MPV17L2: variants seen among roughly 807,000 people sequenced by gnomAD.
MPV17L2 encodes mpv17-like protein 2.
In MPV17L2, 25 loss-of-function variants were observed where a neutral mutation model predicts 24.2. That is an observed-to-expected ratio of 1.03 (90% CI 0.75 to 1.44). The LOEUF is 1.44. Ranked by LOEUF, MPV17L2 falls within the 40% of genes most tolerant of loss-of-function variation. The pLI is 0.00. For synonymous variants in MPV17L2, 130 were observed against 121.4 expected, an observed-to-expected ratio of 1.07 and a Z score of -0.46; for missense variants, 271 against 276.2, an observed-to-expected ratio of 0.98 and a Z score of 0.13.
intron 2 of MPV17L2, chr19:18,194,241 T>C (rs1028193114): frequency 3.3e-6 from 2 of 598,300 alleles, no homozygotes; most frequent in African/African-American, 1.9e-5. Flanking sequence ...CTGTATCTGT[T>C]GGGGCTGCCC....
chr19:18,195,190 C>G, intron 4 of MPV17L2, 104 bp downstream of exon 4: 1 of 1,504,446 alleles, frequency 6.6e-7, no homozygotes, highest in Non-Finnish European at 8.9e-7. Context: ...GTGGGAGTCT[C>G]CTGTGCTCCT....
Position 18,196,145 on chromosome 19 carries a change from G to T in MPV17L2, c.*90G>T. 1 of 1,601,950 alleles carries T rather than the reference G, an allele frequency of 6.2e-7. No homozygotes were observed. The highest frequency in any genetic ancestry group is 8.5e-7 in the Non-Finnish European group (1 of 1,176,070). On this transcript the variant is annotated 3_prime_UTR_variant, in exon 5 of 5. Transcript: ENST00000599612. Reference sequence around the variant, plus strand: ...GGAATGGGCTCCTGCAGCAAGCTCGGGTCTTGAGCCACGTCCCAGCACCAC... The same window carrying T: ...GGAATGGGCTCCTGCAGCAAGCTCGTGTCTTGAGCCACGTCCCAGCACCAC...
In MPV17L2 at chr19:18,194,785, T is replaced by A. The variant is rs372763146; in HGVS notation, c.367T>A (p.Cys123Ser). 2 of 1,609,208 alleles carry A rather than the reference T, an allele frequency of 1.2e-6. No individual in the cohort carries two copies. Among genetic ancestry groups the A allele is most frequent in the South Asian group, 2.2e-5 (2 of 90,214 alleles). Residue 123 changes from cysteine (C) to serine (S), a missense_variant, in exon 3 of 5, where the codon TGC (cysteine) becomes AGC (serine). Transcript: ENST00000599612. ...CTTGGTTTGCTTCCCAGGCCTTGGC[T>A]GCCTGGAGGGTCAGACAGTGGGTGA... ...LGVWYFLGLG[C>S]LEGQTVGESC... is the part of the protein sequence containing the mutation.
intron 1 of MPV17L2, 86 bp downstream of exon 1, chr19:18,193,554 G>A: frequency 7.1e-7 from 1 of 1,416,118 alleles, no homozygotes; most frequent in Non-Finnish European, 9.2e-7. Flanking sequence ...CTGACCCGTG[G>A]CCTCAGTCCC....
chr19:18,195,133 C>T (rs746903444), intron 4 of MPV17L2, 47 bp downstream of exon 4: 3 of 1,587,732 alleles, frequency 1.9e-6, no homozygotes, highest in Non-Finnish European at 1.7e-6. Context: ...CCCCAGGGGG[C>T]TACACGTGTG....
chr19:18,193,775 C>T (rs903072636), intron 1 of MPV17L2, 89 bp from the exon 2 acceptor site: 25 of 1,556,918 alleles, frequency 1.6e-5, no homozygotes, highest in Admixed American at 7.3e-5. Context: ...TGGCATTGGG[C>T]TTACCCAGGC....
rs754185842 is a variant in MPV17L2 at position 18,194,883 on chromosome 19, G to C, written c.435+30G>C. On this transcript the variant is annotated intron_variant, in intron 3 of 4. Transcript: ENST00000599612. The stretch of plus-strand genomic sequence containing the variant: ...GAGCACCCGCCCCTTGCACATGTCC[G>C]GCCCCGCCCCCTGATGGCCGCTCCG... The C allele has an allele frequency of 1.4e-5, 22 of 1,595,600 alleles. No homozygotes were observed. In the African/African-American group the frequency reaches 2.9e-4, roughly 21 times the overall value.
In MPV17L2 at chr19:18,194,128, A is replaced by G. The variant is rs1345289522; in HGVS notation, c.358+94A>G. 8.4e-6 allele frequency: 12 copies of G among 1,420,790 alleles called. No individual in the cohort carries two copies. The African/African-American group carries it at 1.1e-4, about 14-fold the overall frequency. 88.0% of individuals were successfully genotyped at this position (1,420,790 alleles called of 1,614,324 possible). On this transcript the variant is annotated intron_variant, in intron 2 of 4. Transcript: ENST00000599612. ...AGAAGGATGCAGAGGTGCATTTCCA[A>G]TTTGCCCCCTGTTTGGGTCGCCCTG...
chr19:18,196,511 A>T lies in MPV17L2; in HGVS notation c.*456A>T, dbSNP rs1376662045. On this transcript the variant is annotated 3_prime_UTR_variant, in exon 5 of 5. Transcript: ENST00000599612. ...GCCCCCAAAAGTTTCACATAGGGCC[A>T]GGCAGCCTCTGTGTTTCTTTCCCTG... 9.2e-7 allele frequency: 1 copy of T among 1,088,134 alleles called. No homozygotes were observed. Among genetic ancestry groups the T allele is most frequent in the African/African-American group, 1.6e-5 (1 of 61,356 alleles). The allele number at this position is 1,088,134 out of a possible 1,614,324, so 67.4% of individuals were successfully genotyped here.
chr19:18,196,517 CCT>C lies in MPV17L2; in HGVS notation c.*465_*466del, dbSNP rs936571044. 1 of 1,051,600 alleles carries C rather than the reference CCT, an allele frequency of 9.5e-7. No homozygotes were observed. The highest frequency in any genetic ancestry group is 1.7e-5 in the African/African-American group (1 of 60,584). 65.1% of individuals were successfully genotyped at this position (1,051,600 alleles called of 1,614,324 possible). ...AAAAGTTTCACATAGGGCCAGGCAGCCTCTGTGTTTCTTTCCCTGGTCCTGAA... is the reference window on the plus strand; with the variant it reads ...AAAAGTTTCACATAGGGCCAGGCAGCCTGTGTTTCTTTCCCTGGTCCTGAA... On this transcript the variant is annotated 3_prime_UTR_variant, in exon 5 of 5. Coordinates refer to ENST00000599612, the MANE Select transcript of MPV17L2 (RefSeq NM_032683.3).
At position 18,196,807 on chromosome 19, in the gene MPV17L2, C is replaced by T. The variant is rs1199434371; in HGVS notation, c.*752C>T. On this transcript the variant is annotated 3_prime_UTR_variant, in exon 5 of 5. Transcript: ENST00000599612. ...GCTCACAGGGACACACATGGATGGTCCATTCGCTTTATTGGGTGCGTGTAG... is the reference window on the plus strand; with the variant it reads ...GCTCACAGGGACACACATGGATGGTTCATTCGCTTTATTGGGTGCGTGTAG... The T allele has an allele frequency of 1.0e-5, 3 of 293,906 alleles. No individual in the cohort carries two copies. Among genetic ancestry groups the T allele is most frequent in the Non-Finnish European group, 2.0e-5 (3 of 151,568 alleles). The allele number at this position is 293,906 out of a possible 1,614,324, so 18.2% of individuals were successfully genotyped here.
At position 18,193,368 on chromosome 19, in the gene MPV17L2, C is replaced by T; in HGVS notation, c.87C>T (p.Asn29=). 1.3e-6 allele frequency: 2 copies of T among 1,569,798 alleles called. No homozygotes were observed. Among genetic ancestry groups the T allele is most frequent in the Non-Finnish European group, 1.7e-6 (2 of 1,163,678 alleles). The part of the protein sequence containing the change: ...LFQGRALLVT[N]TLGCGALMAA... ...AGGGCCGCGCGCTGCTCGTCACTAACACGCTGGGCTGCGGCGCGCTCATGG... is the reference window on the plus strand; with the variant it reads ...AGGGCCGCGCGCTGCTCGTCACTAATACGCTGGGCTGCGGCGCGCTCATGG... The change falls in exon 1 of 5, where the codon AAC becomes AAT. Residue 29 remains asparagine (N), a synonymous_variant. Coordinates refer to ENST00000599612, the MANE Select transcript of MPV17L2 (RefSeq NM_032683.3).
At position 18,196,128 on chromosome 19, in the gene MPV17L2, C is replaced by T; in HGVS notation, c.*73C>T. Reference sequence around the variant, plus strand: ...CCCCCTCTGACAGAAGGGGAATGGGCTCCTGCAGCAAGCTCGGGTCTTGAG... The same window carrying T: ...CCCCCTCTGACAGAAGGGGAATGGGTTCCTGCAGCAAGCTCGGGTCTTGAG... On this transcript the variant is annotated 3_prime_UTR_variant, in exon 5 of 5. Coordinates refer to ENST00000599612, the MANE Select transcript of MPV17L2 (RefSeq NM_032683.3). The T allele has an allele frequency of 6.2e-7, 1 of 1,610,714 alleles. No homozygotes were observed. The highest frequency in any genetic ancestry group is 2.2e-5 in the East Asian group (1 of 44,834).
At chr19:18,194,729 C>T in intron 2 of MPV17L2, 48 bp from the exon 3 acceptor site, 1 of 1,526,502 alleles carries the variant, frequency 6.6e-7, no homozygotes, top group Non-Finnish European at 8.9e-7. Context: ...GTCGTCTCAA[C>T]AGTACTTCCT....
intron 1 of MPV17L2, 144 bp from the exon 2 acceptor site, chr19:18,193,720 C>T: frequency 2.0e-6 from 3 of 1,465,936 alleles, no homozygotes; most frequent in Non-Finnish European, 2.7e-6. Flanking sequence ...GAAGAATGCA[C>T]GGGTGGGCTC....
chr19:18,193,560 G>A (rs2147975742), intron 1 of MPV17L2, 92 bp downstream of exon 1: 1 of 1,414,200 alleles, frequency 7.1e-7, no homozygotes, highest in Non-Finnish European at 9.2e-7. Flanking sequence ...CGTGGCCTCA[G>A]TCCCCCGCAG....
chr19:18,196,044 C>A lies in MPV17L2; in HGVS notation c.610C>A (p.Arg204=). 3 of 1,613,932 alleles carry A rather than the reference C, an allele frequency of 1.9e-6. No homozygotes were observed. The highest frequency in any genetic ancestry group is 1.1e-5 in the South Asian group (1 of 91,062). Residue 204 remains arginine, a synonymous_variant, in exon 5 of 5, where the codon CGA becomes AGA. Coordinates refer to ENST00000599612, the MANE Select transcript of MPV17L2 (RefSeq NM_032683.3). ...TPPGCVALDT[R]AD is the part of the protein sequence containing the mutation. ...CCCAGGCTGTGTGGCCCTGGACACC[C>A]GAGCAGACTGAACTGTCTGCTTCCT... is the stretch of plus-strand genomic sequence containing the variant.
At chr19:18,195,831 C>T (rs1967507611) in intron 4 of MPV17L2, among the ~76,000 whole-genome samples, 168 bp from the exon 5 acceptor site, 1 of 152,256 alleles carries the variant, frequency 6.6e-6, no homozygotes, top group Admixed American at 6.5e-5. Context: ...TTCGAGACTC[C>T]GTCTCAAACA....
chr19:18,195,769 G>A (rs909729952), intron 4 of MPV17L2, among the ~76,000 whole-genome samples: 1 of 151,050 alleles, frequency 6.6e-6, no homozygotes, highest in East Asian at 2.0e-4. Context: ...CCCGGGCAGC[G>A]AAGCTTGCAG....
Sources: gnomAD v4.1 joint callset for allele counts (sites outside exome capture counted in the v4.1 genomes callset) on GRCh38, gnomAD v4.1.1 for gene constraint, MANE v1.5 for transcripts, NCBI Gene and HGNC (gene_info 2026-07-23, HGNC 2026-07-21) for gene names.